Variants in GLG1 observed in about 807,000 individuals in gnomAD.
The protein encoded by GLG1 is golgi glycoprotein 1, also known as Golgi apparatus protein 1.
A neutral mutation model predicts 160.5 loss-of-function variants in GLG1; 38 were observed. The observed-to-expected ratio is 0.24, with a 90% confidence interval of 0.18 to 0.31. GLG1 has a LOEUF of 0.31. GLG1 is among the 10% of genes least tolerant of loss of function. The pLI is 1.00. For synonymous variants in GLG1, 644 were observed against 543.4 expected (o/e 1.19, Z -2.57); for missense variants, 1,373 against 1,505.2 (o/e 0.91, Z 1.45).
intron 8 of GLG1, among the ~76,000 whole-genome samples, chr16:74,490,272 T>C (rs990697833): frequency 3.9e-5 from 6 of 152,238 alleles, no homozygotes; most frequent in Admixed American, 6.5e-5. Flanking sequence ...TTCAACTGTT[T>C]ATAAACGCTA....
intron 18 of GLG1, among the ~76,000 whole-genome samples, chr16:74,466,641 T>C (rs2015010639): frequency 6.6e-6 from 1 of 152,108 alleles, no homozygotes; most frequent in South Asian, 2.1e-4. Context: ...AATTTTAAAA[T>C]ATACTTAAAA....
chr16:74,471,373 G>T (rs1597236341), intron 14 of GLG1, 87 bp from the exon 15 acceptor site: 2 of 775,302 alleles, frequency 2.6e-6, no homozygotes, highest in East Asian at 4.9e-5. Flanking sequence ...TGCAAGCAAG[G>T]TTAGTTCTAG....
At position 74,508,925 on chromosome 16, in the gene GLG1, A is replaced by C; in HGVS notation, c.472T>G (p.Leu158Val). The C allele has an allele frequency of 7.8e-7, 1 of 1,276,182 alleles. No individual in the cohort carries two copies. Among genetic ancestry groups the C allele is most frequent in the Non-Finnish European group, 1.1e-6 (1 of 876,074 alleles). 79.1% of individuals were successfully genotyped at this position (1,276,182 alleles called of 1,614,324 possible). A position where few individuals can be genotyped will look rare whatever the true frequency, so the allele number is the denominator to read the frequency against. Residue 158 changes from leucine to valine, a missense_variant and splice_region_variant, in exon 3 of 26, where the codon TTG becomes GTG. Transcript: ENST00000422840. ...ENEISSDCNH[L>V]LWNYKLNLTT... The stretch of plus-strand genomic sequence containing the variant: ...AGGTTCAGCTTATAATTCCACAACA[A>C]CTAGATAGGAGAGGAAAAAAAAAAA...
intron 2 of GLG1, among the ~76,000 whole-genome samples, chr16:74,521,014 T>A (rs982995527): frequency 6.6e-6 from 1 of 152,056 alleles, no homozygotes; most frequent in African/African-American, 2.4e-5. Context: ...GCAAGGTGAA[T>A]TGAAAGTAGG....
At chr16:74,505,003 A>T (rs1266449459) in intron 3 of GLG1, among the ~76,000 whole-genome samples, 1 of 152,258 alleles carries the variant, frequency 6.6e-6, no homozygotes, top group Non-Finnish European at 1.5e-5. Flanking sequence ...TGAAGTGGCA[A>T]TTCTGACAAG....
intron 4 of GLG1, among the ~76,000 whole-genome samples, chr16:74,499,890 C>T (rs1414772825): frequency 6.6e-6 from 1 of 152,144 alleles, no homozygotes; most frequent in East Asian, 1.9e-4. Flanking sequence ...GTAGTCCCAG[C>T]CACTCAGGAG....
intron 1 of GLG1, chr16:74,552,168 T>C (rs2018216995): frequency 2.7e-6 from 1 of 369,304 alleles, no homozygotes; most frequent in Admixed American, 3.6e-5. Flanking sequence ...ATCTCTTCCT[T>C]CAAATGTCCT....
At chr16:74,577,222 TA>T (rs971888179) in intron 1 of GLG1, among the ~76,000 whole-genome samples, 1 of 147,448 alleles carries the variant, frequency 6.8e-6, no homozygotes, top group Non-Finnish European at 1.5e-5. Flanking sequence ...CCACTTATTT[TA>T]AAAAATAGAC....
chr16:74,584,798 C>T (rs1958010506), intron 1 of GLG1, among the ~76,000 whole-genome samples: 1 of 152,046 alleles, frequency 6.6e-6, no homozygotes, highest in African/African-American at 2.4e-5. Context: ...CGCCTGTAGT[C>T]CCAGCTACTT....
chr16:74,534,881 T>C (rs1436591136), intron 1 of GLG1, among the ~76,000 whole-genome samples: 1 of 152,216 alleles, frequency 6.6e-6, no homozygotes, highest in Non-Finnish European at 1.5e-5. Flanking sequence ...ACTGTGTGCT[T>C]AGTAATACTG....
chr16:74,487,879 G>C lies in GLG1; in HGVS notation c.1450-1962C>G, dbSNP rs555501679. 2.0e-5 allele frequency among the ~76,000 whole-genome samples: 3 copies of C among 152,132 alleles called. No homozygotes were observed. The South Asian group carries it at 6.2e-4, about 32-fold the overall frequency. ...TCTGGAATTTAGTGACAGTAGCGTGGGAAATAAACACTGAAAATGTGAACT... is the reference window on the plus strand; with the variant it reads ...TCTGGAATTTAGTGACAGTAGCGTGCGAAATAAACACTGAAAATGTGAACT... On this transcript the variant is annotated intron_variant, in intron 8 of 25. Transcript: ENST00000422840.
chr16:74,481,699 C>T lies in GLG1; in HGVS notation c.1674-1305G>A, dbSNP rs547946338. ...TATGTGGGCAAAACACATGCACACA[C>T]ACACGTCTTTTGAGATAGGGTCTCA... is the stretch of plus-strand genomic sequence containing the variant. On this transcript the variant is annotated intron_variant, in intron 10 of 25. Transcript: ENST00000422840. Among the ~76,000 whole-genome samples, 7 of 152,308 alleles carry T rather than the reference C, an allele frequency of 4.6e-5. No homozygotes were observed. In the East Asian group the frequency reaches 1.4e-3, roughly 29 times the overall value.
intron 25 of GLG1, among the ~76,000 whole-genome samples, chr16:74,455,033 A>C (rs1221689724): frequency 6.6e-6 from 1 of 152,110 alleles, no homozygotes; most frequent in East Asian, 1.9e-4. Context: ...TCGAGGCTGC[A>C]GTGAGCCATG....
chr16:74,585,565 G>A (rs1171829194), intron 1 of GLG1, among the ~76,000 whole-genome samples: 3 of 151,916 alleles, frequency 2.0e-5, no homozygotes, highest in African/African-American at 4.8e-5. Context: ...AAAATTAGCC[G>A]GGCATGGTAG....
intron 1 of GLG1, among the ~76,000 whole-genome samples, chr16:74,542,744 A>AGGAAGGAAGGAAGGAAGGAAGGAAGGAAG (rs2017920328): frequency 7.8e-5 from 1 of 12,882 alleles, no homozygotes; most frequent in Non-Finnish European, 2.5e-4. Flanking sequence ...GGAGGAAGGA[A>AGGAAGGAAGGAAGGAAGGAAGGAAGGAAG]GGAAGGAAGG....
At chr16:74,522,580 C>G (rs770605322) in intron 2 of GLG1, among the ~76,000 whole-genome samples, 1 of 152,042 alleles carries the variant, frequency 6.6e-6, no homozygotes, top group Non-Finnish European at 1.5e-5. Context: ...CTTTGTTGCT[C>G]TGTGTGACTT....
intron 8 of GLG1, among the ~76,000 whole-genome samples, chr16:74,486,158 A>C (rs1597254254): frequency 6.6e-6 from 1 of 152,336 alleles, no homozygotes; most frequent in East Asian, 1.9e-4. Flanking sequence ...CTTTGTTCTC[A>C]GTAATCCCTG....
chr16:74,607,013 C>T lies in GLG1; in HGVS notation c.82G>A (p.Glu28Lys), dbSNP rs1187029835. 1 of 1,600,544 alleles carries T rather than the reference C, an allele frequency of 6.2e-7. No individual in the cohort carries two copies. The highest frequency in any genetic ancestry group is 1.7e-5 in the Admixed American group (1 of 58,238). The change falls in exon 1 of 26, where the codon GAG (glutamate) becomes AAG (lysine). Residue 28 changes from glutamate to lysine, a missense_variant. Around this residue, in one of 4 missense-constraint regions of GLG1, gnomAD observed 322 missense variants for 254.6 expected, o/e 1.26. Transcript: ENST00000422840. ...TGGACGCCCTGGCCGGGGAGTTTCTCGGCCCCGGCCGCGAATAGCAGCAGC... is the reference window on the plus strand; with the variant it reads ...TGGACGCCCTGGCCGGGGAGTTTCTTGGCCCCGGCCGCGAATAGCAGCAGC... ...HLLLLFAAGAEKLPGQGVHSQ... is the reference protein window; with the variant it reads ...HLLLLFAAGAKKLPGQGVHSQ...
Position 74,468,995 on chromosome 16 carries a change from C to G in GLG1, c.2387G>C (p.Arg796Thr). The change falls in exon 17 of 26, where the codon AGG becomes ACG. Residue 796 changes from arginine to threonine, a missense_variant. Arg to Thr is a moderately conservative substitution (Grantham distance 71). Coordinates refer to ENST00000422840, the MANE Select transcript of GLG1 (RefSeq NM_001145667.2). ...NDTLQEAKEH[R>T]VSLKCRRQLR... ...CTGCCTGCGGCACTTCAGGGACACC[C>G]TGTGCTCCTTGGCTTCCTGCAGAGT... is the stretch of plus-strand genomic sequence containing the variant. 1 of 1,613,942 alleles carries G rather than the reference C, an allele frequency of 6.2e-7. No individual in the cohort carries two copies. Among genetic ancestry groups the G allele is most frequent in the Non-Finnish European group, 8.5e-7 (1 of 1,179,756 alleles).
Sources: gnomAD v4.1 joint callset for allele counts (sites outside exome capture counted in the v4.1 genomes callset) on GRCh38, gnomAD v4.1.1 for gene constraint, gnomAD v4.1.1 regional missense constraint, MANE v1.5 for transcripts, NCBI Gene and HGNC (gene_info 2026-07-23, HGNC 2026-07-21) for gene names.